Variants in PANK3 observed in about 807,000 individuals in gnomAD.
PANK3 encodes the protein hPanK3.
Under a neutral mutation model 39.4 loss-of-function variants are expected in PANK3, and 20 were observed. The observed-to-expected ratio is 0.51, with a 90% CI of 0.36 to 0.74. The LOEUF is 0.74. PANK3 is among the 30% of genes least tolerant of loss of function. The probability of loss-of-function intolerance (pLI) is 0.00; values close to 1 mark genes in which losing one functional copy is unlikely to be tolerated. For missense variants in PANK3, 265 were observed against 437.0 expected (o/e 0.61, Z 3.51); for synonymous variants, 140 against 157.3 (o/e 0.89, Z 0.82).
At chr5:168,578,811 A>C (rs1383326165) in intron 1 of PANK3, 1 of 122,532 alleles carries the variant, frequency 8.2e-6, no homozygotes, top group Admixed American at 8.2e-5. Flanking sequence ...CAACTGTAAC[A>C]ACAGTGACAA....
chr5:168,560,831 GTA>G (rs1759435229), intron 5 of PANK3: 1 of 360,118 alleles, frequency 2.8e-6, no homozygotes, highest in East Asian at 6.5e-5. Context: ...CAATCTAACA[GTA>G]TATCCTTTTC....
intron 1 of PANK3, among the ~76,000 whole-genome samples, chr5:168,571,730 C>A (rs1487735010): frequency 6.6e-6 from 1 of 152,096 alleles, no homozygotes; most frequent in Non-Finnish European, 1.5e-5. Flanking sequence ...ATACATTTCT[C>A]CATTTTATAA....
chr5:168,553,083 GA>G lies in PANK3; in HGVS notation c.*4487del, dbSNP rs1759297225. ...ATTAGTACTCTTCCTTTCTGTTAAT[GA>G]GCAAAAACTTACGACTTCCAGGGCA... On this transcript the variant is annotated 3_prime_UTR_variant, in exon 7 of 7. Coordinates refer to ENST00000239231, the MANE Select transcript of PANK3 (RefSeq NM_024594.4). 2.4e-6 allele frequency: 1 copy of G among 420,692 alleles called. No individual in the cohort carries two copies. The highest frequency in any genetic ancestry group is 3.0e-5 in the Admixed American group (1 of 33,894). 26.1% of individuals were successfully genotyped at this position (420,692 alleles called of 1,614,324 possible). A position where few individuals can be genotyped will look rare whatever the true frequency, so the allele number is the denominator to read the frequency against.
At chr5:168,565,214 T>TA (rs997308232) in intron 3 of PANK3, among the ~76,000 whole-genome samples, 2 of 151,010 alleles carry the variant, frequency 1.3e-5, no homozygotes. Flanking sequence ...TTTCACAAAT[T>TA]AATCTAAAGT....
Position 168,553,169 on chromosome 5 carries a change from G to T in PANK3, c.*4402C>A. 1 of 479,420 alleles carries T rather than the reference G, an allele frequency of 2.1e-6. No individual in the cohort carries two copies. Among genetic ancestry groups the T allele is most frequent in the Non-Finnish European group, 4.2e-6 (1 of 240,450 alleles). 29.7% of individuals were successfully genotyped at this position (479,420 alleles called of 1,614,324 possible). On this transcript the variant is annotated 3_prime_UTR_variant, in exon 7 of 7. Coordinates refer to ENST00000239231, the MANE Select transcript of PANK3 (RefSeq NM_024594.4). The stretch of plus-strand genomic sequence containing the variant: ...AGGATGGTAAAGCCCAGTATCACTG[G>T]GCATAGCTCTTCAGACCCCAAGATG...
In PANK3 at chr5:168,552,896, G is replaced by T; in HGVS notation, c.*4675C>A. 4.9e-6 allele frequency: 1 copy of T among 204,228 alleles called. No individual in the cohort carries two copies. The highest frequency in any genetic ancestry group is 9.8e-5 in the South Asian group (1 of 10,194). The allele number at this position is 204,228 out of a possible 1,614,324, so 12.7% of individuals were successfully genotyped here. A position where few individuals can be genotyped will look rare whatever the true frequency, so the allele number is the denominator to read the frequency against. On this transcript the variant is annotated 3_prime_UTR_variant, in exon 7 of 7. Transcript: ENST00000239231. The stretch of plus-strand genomic sequence containing the variant: ...ACAACATTGATTCCAGAGAGCTACT[G>T]AGAGAGCTGGAGCATGATGGAAATG...
chr5:168,576,155 C>A (rs1759727537), intron 1 of PANK3, among the ~76,000 whole-genome samples: 1 of 152,060 alleles, frequency 6.6e-6, no homozygotes, highest in Non-Finnish European at 1.5e-5. Flanking sequence ...AAACTACTAC[C>A]CCAACTATCT....
At chr5:168,557,656 G>C (rs1438872634) in intron 6 of PANK3, 35 bp from the exon 7 acceptor site, 7 of 1,548,692 alleles carry the variant, frequency 4.5e-6, no homozygotes, top group Non-Finnish European at 5.3e-6. Context: ...ATGTAGTACA[G>C]CTTTTAAGTT....
rs1185147822 is a variant in PANK3, at chr5:168,549,245, T to C, written c.*8326A>G. 1 of 152,192 alleles carries C rather than the reference T, an allele frequency of 6.6e-6. No homozygotes were observed. The highest frequency in any genetic ancestry group is 1.5e-5 in the Non-Finnish European group (1 of 68,038). 9.4% of individuals were successfully genotyped at this position (152,192 alleles called of 1,614,324 possible). ...TACTTCTATAAAGTTACCTTCTGTT[T>C]CTAAATGCTGTAAACTAAACTAAAA... On this transcript the variant is annotated 3_prime_UTR_variant, in exon 7 of 7. Coordinates refer to ENST00000239231, the MANE Select transcript of PANK3 (RefSeq NM_024594.4).
chr5:168,569,010 A>T lies in PANK3; in HGVS notation c.29-12T>A. ...AAACCATGGGAAAGCTATGGGAGGA[A>T]AAAAAAAAAAAAAAAAAAAAATATA... On this transcript the variant is annotated splice_polypyrimidine_tract_variant and intron_variant, in intron 1 of 6. Transcript: ENST00000239231. 12 of 186,192 alleles carry T rather than the reference A, an allele frequency of 6.4e-5. No individual in the cohort carries two copies. The highest frequency in any genetic ancestry group is 8.4e-5 in the Non-Finnish European group (11 of 130,412). The allele number at this position is 186,192 out of a possible 1,614,324, so 11.5% of individuals were successfully genotyped here. A position where few individuals can be genotyped will look rare whatever the true frequency, so the allele number is the denominator to read the frequency against.
Position 168,557,626 on chromosome 5 carries a change from G to GT in PANK3, c.1063-6dup. On this transcript the variant is annotated splice_region_variant and splice_polypyrimidine_tract_variant and intron_variant, in intron 6 of 6. Transcript: ENST00000239231. ...ACCAACTGCTCCAAAGTAACCCTGT[G>GT]TAATTTAAAAATAACTGTTATGTAG... 1.2e-6 allele frequency: 2 copies of GT among 1,611,898 alleles called. No homozygotes were observed. The highest frequency in any genetic ancestry group is 2.2e-5 in the South Asian group (2 of 90,334).
rs1759302054 is a variant in PANK3 at position 168,553,428 on chromosome 5, A to G, written c.*4143T>C. The stretch of plus-strand genomic sequence containing the variant: ...AACCAGTAATAGCCAACAAATTATG[A>G]TAAGCATTGAACTGCACCTGCCAAA... On this transcript the variant is annotated 3_prime_UTR_variant, in exon 7 of 7. Transcript: ENST00000239231. 1 of 441,994 alleles carries G rather than the reference A, an allele frequency of 2.3e-6. No homozygotes were observed. The highest frequency in any genetic ancestry group is 4.6e-6 in the Non-Finnish European group (1 of 215,542). 27.4% of individuals were successfully genotyped at this position (441,994 alleles called of 1,614,324 possible). A position where few individuals can be genotyped will look rare whatever the true frequency, so the allele number is the denominator to read the frequency against.
chr5:168,553,246 T>TATTC lies in PANK3; in HGVS notation c.*4324_*4325insGAAT, dbSNP rs1290377690. 1.9e-6 allele frequency: 1 copy of TATTC among 513,944 alleles called. No homozygotes were observed. Among genetic ancestry groups the TATTC allele is most frequent in the Non-Finnish European group, 4.0e-6 (1 of 252,596 alleles). 31.8% of individuals were successfully genotyped at this position (513,944 alleles called of 1,614,324 possible). ...CAGAATACCAACGACGTCCAGCTGGTTGAGAGCACTAAAGGTACCCCAAAG... is the reference window on the plus strand; with the variant it reads ...CAGAATACCAACGACGTCCAGCTGGTATTCTGAGAGCACTAAAGGTACCCCAAAG... On this transcript the variant is annotated 3_prime_UTR_variant, in exon 7 of 7. Coordinates refer to ENST00000239231, the MANE Select transcript of PANK3 (RefSeq NM_024594.4).
intron 1 of PANK3, among the ~76,000 whole-genome samples, 180 bp downstream of exon 1, chr5:168,579,076 A>C (rs1759785105): frequency 1.3e-5 from 2 of 152,130 alleles, no homozygotes; most frequent in African/African-American, 4.8e-5. Flanking sequence ...CCATGCATGA[A>C]TAGGGGGATG....
At chr5:168,571,487 T>A (rs1342493408) in intron 1 of PANK3, among the ~76,000 whole-genome samples, 3 of 152,194 alleles carry the variant, frequency 2.0e-5, no homozygotes, top group Non-Finnish European at 2.9e-5. Context: ...CAAGATTCCA[T>A]CCTAAAAATA....
chr5:168,563,839 C>G, intron 4 of PANK3, 50 bp downstream of exon 4: 1 of 1,489,848 alleles, frequency 6.7e-7, no homozygotes, highest in South Asian at 1.4e-5. Flanking sequence ...ACATAAGCAA[C>G]TTGAATTACT....
intron 2 of PANK3, among the ~76,000 whole-genome samples, chr5:168,568,201 G>T (rs1053543642): frequency 6.6e-6 from 1 of 152,168 alleles, no homozygotes; most frequent in South Asian, 2.1e-4. Context: ...TTTCATTCAG[G>T]TGTCCATTAT....
chr5:168,577,999 T>G (rs1410434173), intron 1 of PANK3, among the ~76,000 whole-genome samples: 2 of 152,278 alleles, frequency 1.3e-5, no homozygotes, highest in Non-Finnish European at 2.9e-5. Flanking sequence ...CTTGAACAAC[T>G]ATGACAGGAT....
rs575737228 is a variant in PANK3, at chr5:168,551,998, T to C, written c.*5573A>G. 6.6e-6 allele frequency: 1 copy of C among 152,336 alleles called. No homozygotes were observed. The highest frequency in any genetic ancestry group is 2.4e-5 in the African/African-American group (1 of 41,556). 9.4% of individuals were successfully genotyped at this position (152,336 alleles called of 1,614,324 possible). On this transcript the variant is annotated 3_prime_UTR_variant, in exon 7 of 7. Coordinates refer to ENST00000239231, the MANE Select transcript of PANK3 (RefSeq NM_024594.4). ...TCTTTGGAAAAGATGAGTGTAGAAC[T>C]TAAAAGGCACTAGTTCTACAAGTCT... is the stretch of plus-strand genomic sequence containing the variant.
Sources: gnomAD v4.1 joint callset for allele counts (sites outside exome capture counted in the v4.1 genomes callset) on GRCh38, gnomAD v4.1.1 for gene constraint, MANE v1.5 for transcripts, NCBI Gene and HGNC (gene_info 2026-07-23, HGNC 2026-07-21) for gene names.